Variants in KALRN observed in about 807,000 individuals in gnomAD.
KALRN encodes kalirin.
A neutral mutation model predicts 353.7 loss-of-function variants in KALRN; 70 were observed. The observed-to-expected ratio is 0.20, with a 90% CI of 0.16 to 0.24. The LOEUF is 0.24. Ranked by LOEUF, KALRN falls within the 10% of genes least tolerant of loss-of-function variation. The probability of loss-of-function intolerance (pLI) is 1.00; values close to 1 mark genes in which losing one functional copy is unlikely to be tolerated. For synonymous variants in KALRN, 1,391 were observed against 1,434.8 expected, an observed-to-expected ratio of 0.97 and a Z score of 0.69; for missense variants, 2,791 against 3,756.7, an observed-to-expected ratio of 0.74 and a Z score of 6.72.
chr3:124,345,883 G>A (rs2149541366), intron 9 of KALRN, among the ~76,000 whole-genome samples: 1 of 152,230 alleles, frequency 6.6e-6, no homozygotes, highest in South Asian at 2.1e-4. Flanking sequence ...TGTAGTCAAT[G>A]GAATGATTTG....
intron 51 of KALRN, among the ~76,000 whole-genome samples, chr3:124,682,674 G>A (rs1310999476): frequency 2.0e-5 from 3 of 152,144 alleles, no homozygotes; most frequent in East Asian, 1.9e-4. Context: ...CTACCTTCAG[G>A]CTGGCATTTG....
intron 34 of KALRN, among the ~76,000 whole-genome samples, chr3:124,575,918 T>TATA (rs1425162194): frequency 6.6e-6 from 1 of 152,158 alleles, no homozygotes; most frequent in Non-Finnish European, 1.5e-5. Context: ...AACATATTTA[T>TATA]AGGTTCTGGA....
chr3:124,410,336 G>T (rs1263785049), intron 13 of KALRN: 2 of 508,578 alleles, frequency 3.9e-6, no homozygotes, highest in South Asian at 1.5e-5. Context: ...GAAAAGGCAG[G>T]CTCTTCCTTT....
At chr3:124,445,557 G>A (rs890893733) in intron 19 of KALRN, among the ~76,000 whole-genome samples, 4 of 152,084 alleles carry the variant, frequency 2.6e-5, no homozygotes, top group African/African-American at 9.7e-5. Flanking sequence ...AAAACAACAT[G>A]GGCCCAGAGA....
chr3:124,679,119 T>C (rs1265148355), intron 50 of KALRN, among the ~76,000 whole-genome samples: 3 of 152,228 alleles, frequency 2.0e-5, no homozygotes, highest in Non-Finnish European at 4.4e-5. Flanking sequence ...AAGAGATTTC[T>C]TGGGGAAAAG....
chr3:124,094,826 G>A (rs768342561), intron 1 of KALRN: 5 of 1,613,696 alleles, frequency 3.1e-6, no homozygotes, highest in Admixed American at 1.7e-5. Flanking sequence ...TGAAGGATGA[G>A]TTCAGGGTGG....
chr3:124,321,278 G>T (rs966634539), intron 6 of KALRN, among the ~76,000 whole-genome samples: 1 of 152,134 alleles, frequency 6.6e-6, no homozygotes, highest in Admixed American at 6.5e-5. Flanking sequence ...ACCTTCTCTT[G>T]GCAATGATCT....
chr3:124,563,222 TGACTGTGAA>T, intron 34 of KALRN, 133 bp downstream of exon 34: 2 of 966,278 alleles, frequency 2.1e-6, no homozygotes, highest in Non-Finnish European at 2.8e-6. Flanking sequence ...CTTTGGGACC[TGACTGTGAA>T]GAGAATGGGT....
intron 34 of KALRN, among the ~76,000 whole-genome samples, chr3:124,576,556 T>C (rs924879509): frequency 6.6e-5 from 10 of 152,224 alleles, no homozygotes; most frequent in African/African-American, 2.4e-4. Flanking sequence ...ATGGGTTAAG[T>C]ACCTCTCATT....
rs142001372 is a variant in KALRN, at chr3:124,326,908, C to A, written c.1284+737C>A. 7.1e-3 allele frequency among the ~76,000 whole-genome samples: 1,078 copies of A among 152,282 alleles called. 21 individuals carry two copies. The highest frequency in any genetic ancestry group is 0.025 in the African/African-American group (1,025 of 41,556). On this transcript the variant is annotated intron_variant, in intron 7 of 59. Coordinates refer to ENST00000682506, the MANE Select transcript of KALRN (RefSeq NM_001388419.1). ...ATAAATACTCAAAATTCATCACTTC[C>A]TGATTATTTTACAACATATTGTTAT... is the stretch of plus-strand genomic sequence containing the variant.
chr3:124,253,361 T>A (rs937490402), intron 3 of KALRN, among the ~76,000 whole-genome samples: 1 of 152,226 alleles, frequency 6.6e-6, no homozygotes, highest in African/African-American at 2.4e-5. Context: ...TAGACATGGG[T>A]GCAGCACAGT....
chr3:124,411,432 G>GTTTTTTTTT (rs1560849512), intron 13 of KALRN, among the ~76,000 whole-genome samples: 2 of 36,250 alleles, frequency 5.5e-5, no homozygotes, highest in African/African-American at 9.5e-5. Flanking sequence ...TTTAAATTAT[G>GTTTTTTTTT]CTTTTTTTTT....
chr3:124,213,145 A>G (rs996906067), intron 1 of KALRN, among the ~76,000 whole-genome samples: 2 of 152,042 alleles, frequency 1.3e-5, no homozygotes, highest in Non-Finnish European at 2.9e-5. Flanking sequence ...ATGACCATGC[A>G]TGTTTTCTCT....
chr3:124,609,243 C>T (rs1335767197), intron 34 of KALRN, among the ~76,000 whole-genome samples: 2 of 151,928 alleles, frequency 1.3e-5, no homozygotes, highest in African/African-American at 4.8e-5. Context: ...CTTTTGAAAT[C>T]CTGACTTTTT....
intron 2 of KALRN, among the ~76,000 whole-genome samples, chr3:124,232,824 C>T (rs2079319706): frequency 6.6e-6 from 1 of 151,852 alleles, no homozygotes; most frequent in South Asian, 2.1e-4. Context: ...AAAGCTCATT[C>T]ATTAATGGAC....
chr3:124,307,512 A>G (rs1422804835), intron 6 of KALRN, among the ~76,000 whole-genome samples: 1 of 152,030 alleles, frequency 6.6e-6, no homozygotes, highest in African/African-American at 2.4e-5. Context: ...ATAAAGCTCT[A>G]TAGGAGTAAT....
At chr3:124,461,354 T>C (rs2059842176) in intron 23 of KALRN, among the ~76,000 whole-genome samples, 1 of 152,084 alleles carries the variant, frequency 6.6e-6, no homozygotes, top group South Asian at 2.1e-4. Flanking sequence ...TCTGGCTCTT[T>C]ATAGAAAAAT....
intron 27 of KALRN, among the ~76,000 whole-genome samples, chr3:124,481,846 C>T (rs915264792): frequency 5.3e-5 from 8 of 152,346 alleles, no homozygotes; most frequent in African/African-American, 7.2e-5. Flanking sequence ...CGGCCACTCC[C>T]AACCCCAGTA....
At chr3:124,518,096 G>A (rs759525659) in intron 33 of KALRN, among the ~76,000 whole-genome samples, 5 of 152,190 alleles carry the variant, frequency 3.3e-5, no homozygotes, top group African/African-American at 4.8e-5. Flanking sequence ...GGATGAAAGC[G>A]TATGGATTTG....
Sources: gnomAD v4.1 joint callset for allele counts (sites outside exome capture counted in the v4.1 genomes callset) on GRCh38, gnomAD v4.1.1 for gene constraint, MANE v1.5 for transcripts, NCBI Gene and HGNC (gene_info 2026-07-23, HGNC 2026-07-21) for gene names.